Variants in ADARB2 observed in about 807,000 individuals in gnomAD.
ADARB2 encodes adenosine deaminase RNA specific B2 (inactive), also known as inactive double-stranded RNA-specific editase B2.
Under a neutral mutation model 62.2 loss-of-function variants are expected in ADARB2, and 25 were observed. That is an observed-to-expected ratio of 0.40 (90% CI 0.29 to 0.56). The LOEUF (loss-of-function observed/expected upper bound fraction) is 0.56, where lower values mean the gene tolerates loss of function less well. Ranked by LOEUF, ADARB2 falls within the 20% of genes least tolerant of loss-of-function variation. The pLI, the probability that ADARB2 is intolerant of heterozygous loss-of-function variation, is 0.43. For synonymous variants in ADARB2, 572 were observed against 500.8 expected, an observed-to-expected ratio of 1.14 and a Z score of -1.90; for missense variants, 1,071 against 1,077.4, an observed-to-expected ratio of 0.99 and a Z score of 0.08.
In ADARB2 at chr10:1,550,509, C is replaced by T. The variant is rs138362567; in HGVS notation, c.101-171349G>A. On this transcript the variant is annotated intron_variant, in intron 1 of 9. Transcript: ENST00000381312. ...CAACACATTTTTGCAGCTAATGACGCTCTCTAGTTGATGAAAGCCGATGGC... is the reference window on the plus strand; with the variant it reads ...CAACACATTTTTGCAGCTAATGACGTTCTCTAGTTGATGAAAGCCGATGGC... Among the ~76,000 whole-genome samples, 25 of 152,326 alleles carry T rather than the reference C, an allele frequency of 1.6e-4. No homozygotes were observed. In the East Asian group the frequency reaches 4.6e-3, roughly 28 times the overall value.
chr10:1,268,115 A>G (rs1022431561), intron 4 of ADARB2, among the ~76,000 whole-genome samples: 8 of 152,210 alleles, frequency 5.3e-5, no homozygotes, highest in African/African-American at 1.9e-4. Context: ...TTACAAACAT[A>G]ATAATGGAAA....
intron 1 of ADARB2, among the ~76,000 whole-genome samples, chr10:1,518,949 G>A (rs1318882857): frequency 3.3e-5 from 5 of 151,442 alleles, no homozygotes; most frequent in East Asian, 2.0e-4. Context: ...GTGGTCATAC[G>A]CATGCATTCC....
intron 1 of ADARB2, among the ~76,000 whole-genome samples, chr10:1,385,472 G>T (rs1275553641): frequency 6.7e-6 from 1 of 149,832 alleles, no homozygotes; most frequent in East Asian, 1.9e-4. Context: ...AAATTCTCAA[G>T]CTCAAAAACA....
chr10:1,454,080 T>C (rs1171491654), intron 1 of ADARB2, among the ~76,000 whole-genome samples: 2 of 152,206 alleles, frequency 1.3e-5, no homozygotes, highest in African/African-American at 4.8e-5. Flanking sequence ...CCACATGGCT[T>C]GGGAGGCCTC....
chr10:1,658,371 GTC>G (rs968346316), intron 1 of ADARB2, among the ~76,000 whole-genome samples: 6 of 150,542 alleles, frequency 4.0e-5, no homozygotes, highest in Admixed American at 2.0e-4. Flanking sequence ...GTTTTTCTCT[GTC>G]TCTCTGTGTA....
rs199735124 is a variant in ADARB2 at position 1,233,838 on chromosome 10, G to A, written c.1369C>T (p.Arg457Cys). The change falls in exon 6 of 10, where the codon CGC becomes TGC. Residue 457 changes from arginine to cysteine, a missense_variant. Arg to Cys is a radical substitution (Grantham distance 180). Transcript: ENST00000381312. ...AATATCGATCGCTCTGAGTCCTCGC[G>A]CCGCTTGCTAGGGTCACAAAGAGGT... ...TQLELHLSKR[R>C]EDSERSIFVR... 1.5e-5 allele frequency: 24 copies of A among 1,613,292 alleles called. No homozygotes were observed. The highest frequency in any genetic ancestry group is 1.6e-5 in the Non-Finnish European group (19 of 1,179,720).
At chr10:1,444,281 ACATC>A (rs200737452) in intron 1 of ADARB2, among the ~76,000 whole-genome samples, 28 of 117,674 alleles carry the variant, frequency 2.4e-4, no homozygotes, top group South Asian at 1.5e-3. Flanking sequence ...CCATCTATCT[ACATC>A]CATCCATCCA....
chr10:1,500,662 T>A (rs571409823), intron 1 of ADARB2, among the ~76,000 whole-genome samples: 1 of 152,190 alleles, frequency 6.6e-6, no homozygotes, highest in Admixed American at 6.5e-5. Flanking sequence ...GTAAAATAGA[T>A]ACACAGCAAA....
intron 1 of ADARB2, among the ~76,000 whole-genome samples, chr10:1,506,439 G>A (rs1208579100): frequency 1.3e-5 from 2 of 152,168 alleles, no homozygotes; most frequent in Non-Finnish European, 2.9e-5. Flanking sequence ...GCATATTTGA[G>A]GCTCATGTTC....
chr10:1,695,914 G>A (rs1009993855), intron 1 of ADARB2, among the ~76,000 whole-genome samples: 3 of 152,108 alleles, frequency 2.0e-5, no homozygotes, highest in African/African-American at 7.2e-5. Context: ...ACGTGCAGAT[G>A]TAATTGTGAA....
At chr10:1,512,781 C>T (rs1226005479) in intron 1 of ADARB2, among the ~76,000 whole-genome samples, 2 of 152,200 alleles carry the variant, frequency 1.3e-5, no homozygotes, top group South Asian at 2.1e-4. Context: ...GGTGCTCTTA[C>T]GTGTCCCAGT....
At chr10:1,378,413 AG>A (rs1832452842) in intron 2 of ADARB2, among the ~76,000 whole-genome samples, 1 of 152,122 alleles carries the variant, frequency 6.6e-6, no homozygotes, top group East Asian at 1.9e-4. Context: ...GGAAAAACAA[AG>A]GAAGGAGAGG....
intron 4 of ADARB2, among the ~76,000 whole-genome samples, chr10:1,252,459 CCTT>C (rs935800989): frequency 7.9e-5 from 12 of 152,294 alleles, no homozygotes; most frequent in Admixed American, 5.9e-4. Flanking sequence ...TGTTAGGAAA[CCTT>C]CTTCAGTGTT....
At chr10:1,326,194 T>C (rs1428615650) in intron 3 of ADARB2, among the ~76,000 whole-genome samples, 1 of 152,238 alleles carries the variant, frequency 6.6e-6, no homozygotes, top group African/African-American at 2.4e-5. Context: ...GAAGTCACTA[T>C]CTTCAGCTTT....
chr10:1,333,770 G>A lies in ADARB2; in HGVS notation c.1077+29258C>T, dbSNP rs149818262. Among the ~76,000 whole-genome samples the A allele has an allele frequency of 2.9e-3, 443 of 152,272 alleles. 4 individuals are homozygous for A. The highest frequency in any genetic ancestry group is 9.8e-3 in the African/African-American group (408 of 41,554). ...TGTGGGGCCGATGGTGAGAGGAGCC[G>A]TCTGAGGTGGGATTGCCTGTGCCCT... On this transcript the variant is annotated intron_variant, in intron 3 of 9. Coordinates refer to ENST00000381312, the MANE Select transcript of ADARB2 (RefSeq NM_018702.4).
At chr10:1,696,700 G>T (rs980572752) in intron 1 of ADARB2, among the ~76,000 whole-genome samples, 1 of 152,196 alleles carries the variant, frequency 6.6e-6, no homozygotes, top group Non-Finnish European at 1.5e-5. Context: ...AGGGTCTGGA[G>T]CCTGGGTGGT....
intron 1 of ADARB2, among the ~76,000 whole-genome samples, chr10:1,684,696 T>C (rs1046013578): frequency 2.6e-5 from 4 of 152,228 alleles, no homozygotes; most frequent in African/African-American, 9.6e-5. Flanking sequence ...GTTTTATTTT[T>C]AATTATTAAA....
chr10:1,198,023 G>C (rs962595576), intron 8 of ADARB2, among the ~76,000 whole-genome samples: 33 of 152,224 alleles, frequency 2.2e-4, no homozygotes, highest in African/African-American at 7.5e-4. Context: ...ACTCCTTTAG[G>C]CTATCTGTAC....
intron 1 of ADARB2, among the ~76,000 whole-genome samples, chr10:1,565,037 C>T (rs1259020761): frequency 3.3e-5 from 5 of 152,206 alleles, no homozygotes; most frequent in African/African-American, 9.6e-5. Context: ...CCTTCCCCTC[C>T]CTCCCGTGCA....
Sources: gnomAD v4.1 joint callset for allele counts (sites outside exome capture counted in the v4.1 genomes callset) on GRCh38, gnomAD v4.1.1 for gene constraint, MANE v1.5 for transcripts, NCBI Gene and HGNC (gene_info 2026-07-23, HGNC 2026-07-21) for gene names.